ARHGEF17: variants seen among roughly 807,000 people sequenced by gnomAD.
ARHGEF17 encodes the protein Rho guanine nucleotide exchange factor 17.
A neutral mutation model predicts 174.0 loss-of-function variants in ARHGEF17; 80 were observed. The observed-to-expected ratio is 0.46, with a 90% confidence interval of 0.38 to 0.55. The LOEUF (loss-of-function observed/expected upper bound fraction) is 0.55. Ranked by LOEUF, ARHGEF17 falls within the 20% of genes least tolerant of loss-of-function variation. The probability of loss-of-function intolerance (pLI) is 0.00; values close to 1 mark genes in which losing one functional copy is unlikely to be tolerated. For missense variants in ARHGEF17, 2,886 were observed against 2,839.7 expected, an observed-to-expected ratio of 1.02 and a Z score of -0.37; for synonymous variants, 1,311 against 1,189.1, an observed-to-expected ratio of 1.10 and a Z score of -2.11.
chr11:73,363,789 G>T lies in ARHGEF17; in HGVS notation c.5289G>T (p.Arg1763Ser). Residue 1763 changes from arginine (R) to serine (S), a missense_variant, in exon 16 of 21, where the codon AGG becomes AGT. Around this residue, in one of 4 missense-constraint regions of ARHGEF17, gnomAD observed 329 missense variants for 435.2 expected, o/e 0.76. Transcript: ENST00000263674. The stretch of plus-strand genomic sequence containing the variant: ...CCTCCGACAGCATCCGTGACCGCAG[G>T]AACAGCATGAAGCTCCAGCATGCGG... ...YQSSDSIRDRRNSMKLQHAAS... is the reference protein window; with the variant it reads ...YQSSDSIRDRSNSMKLQHAAS... The T allele has an allele frequency of 6.2e-7, 1 of 1,614,068 alleles. No individual in the cohort carries two copies. The highest frequency in any genetic ancestry group is 1.1e-5 in the South Asian group (1 of 91,082).
In ARHGEF17 at chr11:73,346,902, C is replaced by T; in HGVS notation, c.3212C>T (p.Ala1071Val). Residue 1071 changes from alanine (A) to valine (V), a missense_variant, in exon 2 of 21, where the codon GCC (alanine) becomes GTC (valine). By Grantham distance (64) the Ala-to-Val change is moderately conservative. This residue lies in a region of ARHGEF17 where 353 missense variants were observed against 470.3 expected (regional missense o/e 0.75). Coordinates refer to ENST00000263674, the MANE Select transcript of ARHGEF17 (RefSeq NM_014786.4). Reference protein sequence around the residue: ...KPQVDMRKHVAMTLLDTEQSY... With the variant: ...KPQVDMRKHVVMTLLDTEQSY... ...CCACAGGACATGCGGAAGCACGTGGCCATGACCCTGCTGGACACAGAGCAG... is the reference window on the plus strand; with the variant it reads ...CCACAGGACATGCGGAAGCACGTGGTCATGACCCTGCTGGACACAGAGCAG... The T allele has an allele frequency of 6.6e-7, 1 of 1,517,020 alleles. No homozygotes were observed. 94.0% of individuals were successfully genotyped at this position (1,517,020 alleles called of 1,614,324 possible).
rs372066357 is a variant in ARHGEF17, at chr11:73,363,363, C to T, written c.5154C>T (p.His1718=). The T allele has an allele frequency of 5.9e-5, 95 of 1,612,950 alleles. No homozygotes were observed. Among genetic ancestry groups the T allele is most frequent in the African/African-American group, 1.6e-4 (12 of 74,922 alleles). Residue 1718 remains histidine (H), a synonymous_variant, in exon 15 of 21, where the codon CAC becomes CAT. Coordinates refer to ENST00000263674, the MANE Select transcript of ARHGEF17 (RefSeq NM_014786.4). Reference sequence around the variant, plus strand: ...GGAGAGCCCTTCGCCGCTCCAGCCACGGCTCCTTCACCCGGGGCAGCCTTG... The same window carrying T: ...GGAGAGCCCTTCGCCGCTCCAGCCATGGCTCCTTCACCCGGGGCAGCCTTG... ...MDGRALRRSS[H]GSFTRGSLED... is the part of the protein sequence containing the mutation.
intron 1 of ARHGEF17, among the ~76,000 whole-genome samples, chr11:73,336,633 C>A (rs1865290843): frequency 6.6e-6 from 1 of 152,240 alleles, no homozygotes; most frequent in Non-Finnish European, 1.5e-5. Flanking sequence ...CAGAAATCAT[C>A]CCCTTCCTTC....
chr11:73,366,876 C>T (rs1333262955), intron 20 of ARHGEF17, among the ~76,000 whole-genome samples: 1 of 152,132 alleles, frequency 6.6e-6, no homozygotes, highest in African/African-American at 2.4e-5. Flanking sequence ...CCCATCTCTA[C>T]TAAAAATACA....
chr11:73,356,419 G>A, intron 6 of ARHGEF17, 68 bp downstream of exon 6: 3 of 1,485,858 alleles, frequency 2.0e-6, no homozygotes, highest in African/African-American at 1.5e-5. Flanking sequence ...CGGCCTCTGT[G>A]TGCATCTGTG....
Position 73,314,271 on chromosome 11 carries a change from G to A in ARHGEF17, c.3192+2441G>A, listed in dbSNP as rs115131302. ...TGGTATGGACTCCAGAATAAGCAGA[G>A]ACGAGAGGAGCTGTCATTCTTTGCT... On this transcript the variant is annotated intron_variant, in intron 1 of 20. Coordinates refer to ENST00000263674, the MANE Select transcript of ARHGEF17 (RefSeq NM_014786.4). Among the ~76,000 whole-genome samples, 1,356 of 152,350 alleles carry A rather than the reference G, an allele frequency of 8.9e-3. 25 individuals carry two copies. The highest frequency in any genetic ancestry group is 0.031 in the African/African-American group (1,297 of 41,564).
At chr11:73,363,998 C>T (rs1187652709) in intron 16 of ARHGEF17, among the ~76,000 whole-genome samples, 165 bp downstream of exon 16, 13 of 152,178 alleles carry the variant, frequency 8.5e-5, no homozygotes, top group Admixed American at 8.5e-4. Flanking sequence ...ACTGTGTGAG[C>T]TCGGGCAAGT....
chr11:73,356,109 T>C, intron 5 of ARHGEF17, 66 bp from the exon 6 acceptor site: 1 of 1,592,400 alleles, frequency 6.3e-7, no homozygotes, highest in Non-Finnish European at 8.6e-7. Context: ...TAGTCCCTCC[T>C]GCTCCAGCAG....
At chr11:73,327,930 T>G (rs1215312775) in intron 1 of ARHGEF17, among the ~76,000 whole-genome samples, 1 of 152,182 alleles carries the variant, frequency 6.6e-6, no homozygotes, top group Admixed American at 6.5e-5. Context: ...AGTACTCACG[T>G]GTTAGTACTT....
chr11:73,364,456 T>C lies in ARHGEF17; in HGVS notation c.5406T>C (p.His1802=), dbSNP rs773676432. ...ELVVYQREAG[H]FWDPQNFKSV... is the part of the protein sequence containing the mutation. ...GTTTTCTTTACCCCACTCCAGGCCATTTCTGGGACCCCCAGAACTTCAAAT... is the reference window on the plus strand; with the variant it reads ...GTTTTCTTTACCCCACTCCAGGCCACTTCTGGGACCCCCAGAACTTCAAAT... The change falls in exon 18 of 21, where the codon CAT becomes CAC. Residue 1802 remains histidine, a synonymous_variant. Transcript: ENST00000263674. The C allele has an allele frequency of 1.2e-6, 2 of 1,613,350 alleles. No individual in the cohort carries two copies. The highest frequency in any genetic ancestry group is 1.7e-6 in the Non-Finnish European group (2 of 1,179,928).
intron 3 of ARHGEF17, chr11:73,353,278 C>T (rs1196562759): frequency 1.7e-5 from 9 of 531,230 alleles, no homozygotes; most frequent in Admixed American, 6.4e-5. Flanking sequence ...GACCCTACCC[C>T]GCTCCTGGCT....
intron 1 of ARHGEF17, among the ~76,000 whole-genome samples, chr11:73,320,213 G>A (rs1196021015): frequency 6.6e-6 from 1 of 152,060 alleles, no homozygotes; most frequent in African/African-American, 2.4e-5. Flanking sequence ...GAGGGTAAAG[G>A]GTGCTGTCCA....
Position 73,309,866 on chromosome 11 carries a change from T to G in ARHGEF17, c.1228T>G (p.Ser410Ala). Reference sequence around the variant, plus strand: ...CGACGACCTATGGTCTAGTAGGGGTTCTGGGGGCTGGGGCGTGTACCGCTC... The same window carrying G: ...CGACGACCTATGGTCTAGTAGGGGTGCTGGGGGCTGGGGCGTGTACCGCTC... ...KDDDLWSSRG[S>A]GGWGVYRSPS... Residue 410 changes from serine to alanine, a missense_variant, in exon 1 of 21, where the codon TCT (serine) becomes GCT (alanine). This residue lies in a region of ARHGEF17 where 1,728 missense variants were observed against 1,461.2 expected (regional missense o/e 1.18). Coordinates refer to ENST00000263674, the MANE Select transcript of ARHGEF17 (RefSeq NM_014786.4). 6.2e-7 allele frequency: 1 copy of G among 1,613,178 alleles called. No homozygotes were observed. The highest frequency in any genetic ancestry group is 8.5e-7 in the Non-Finnish European group (1 of 1,179,982).
chr11:73,353,693 CCT>C (rs764778923), intron 3 of ARHGEF17, among the ~76,000 whole-genome samples: 10 of 151,816 alleles, frequency 6.6e-5, no homozygotes, highest in East Asian at 1.9e-4. Context: ...CCCCATACTG[CCT>C]CTCACCACAG....
In ARHGEF17 at chr11:73,363,318, C is replaced by T. The variant is rs766463529; in HGVS notation, c.5109C>T (p.Cys1703=). 2.5e-5 allele frequency: 41 copies of T among 1,612,508 alleles called. No individual in the cohort carries two copies. The highest frequency in any genetic ancestry group is 5.3e-5 in the African/African-American group (4 of 74,904). ...LSGSFGPGGP[C]GTSPMDGRAL... ...GCTCCTTTGGGCCTGGTGGTCCCTGCGGCACCAGCCCAATGGATGGGAGAG... is the reference window on the plus strand; with the variant it reads ...GCTCCTTTGGGCCTGGTGGTCCCTGTGGCACCAGCCCAATGGATGGGAGAG... Residue 1703 remains cysteine (C), a synonymous_variant, in exon 15 of 21, where the codon TGC becomes TGT. Transcript: ENST00000263674.
At chr11:73,335,349 T>A (rs1865269342) in intron 1 of ARHGEF17, among the ~76,000 whole-genome samples, 1 of 152,168 alleles carries the variant, frequency 6.6e-6, no homozygotes. Flanking sequence ...GCTGAGAGGA[T>A]GATTGCATTC....
chr11:73,329,361 A>G (rs1284856429), intron 1 of ARHGEF17, among the ~76,000 whole-genome samples: 1 of 2,388 alleles, frequency 4.2e-4, no homozygotes, highest in African/African-American at 1.3e-3. Flanking sequence ...ATATATATAT[A>G]TATATATATA....
At chr11:73,367,557 C>A in intron 20 of ARHGEF17, 27 bp from the exon 21 acceptor site, 1 of 1,586,272 alleles carries the variant, frequency 6.3e-7, no homozygotes, top group South Asian at 1.1e-5. Flanking sequence ...CGCCCCCAAG[C>A]TGACAGATCC....
chr11:73,323,024 C>A (rs1461730052), intron 1 of ARHGEF17, among the ~76,000 whole-genome samples: 1 of 152,116 alleles, frequency 6.6e-6, no homozygotes, highest in Admixed American at 6.5e-5. Context: ...CTTGTCTCGG[C>A]AGAAATTTCC....
Sources: allele counts gnomAD v4.1 joint callset (sites outside exome capture counted in the v4.1 genomes callset), GRCh38; gene constraint gnomAD v4.1.1; regional missense constraint gnomAD v4.1.1; transcripts MANE v1.5; gene names NCBI Gene and HGNC (gene_info 2026-07-23, HGNC 2026-07-21).